FAM168A: variants seen among roughly 807,000 people sequenced by gnomAD.
FAM168A encodes the protein family with sequence similarity 168 member A.
FAM168A carries 3 observed loss-of-function variants against 28.5 expected under a neutral mutation model. That is an observed-to-expected ratio of 0.11 (90% CI 0.05 to 0.27). The LOEUF is 0.27. FAM168A is among the 10% of genes least tolerant of loss of function. The probability of loss-of-function intolerance (pLI) is 1.00; values close to 1 mark genes in which losing one functional copy is unlikely to be tolerated. For synonymous variants in FAM168A, 122 were observed against 124.2 expected, an observed-to-expected ratio of 0.98 and a Z score of 0.12; for missense variants, 222 against 311.5, an observed-to-expected ratio of 0.71 and a Z score of 2.16.
At chr11:73,472,802 A>G (rs1374137694) in intron 1 of FAM168A, among the ~76,000 whole-genome samples, 2 of 152,232 alleles carry the variant, frequency 1.3e-5, no homozygotes, top group African/African-American at 2.4e-5. Context: ...AATGATGCCA[A>G]GGCTTGAGAA....
In FAM168A at chr11:73,552,184, C is replaced by T. The variant is rs113609743; in HGVS notation, c.-19+45739G>A. Reference sequence around the variant, plus strand: ...AATTGGACTAAAACTGGGTTCAATTCCAACTCTACCTCTTACAAACTGTGA... The same window carrying T: ...AATTGGACTAAAACTGGGTTCAATTTCAACTCTACCTCTTACAAACTGTGA... On this transcript the variant is annotated intron_variant, in intron 1 of 7. Transcript: ENST00000356467. 2.4e-3 allele frequency among the ~76,000 whole-genome samples: 360 copies of T among 152,258 alleles called. 3 individuals carry two copies. Among genetic ancestry groups the T allele is most frequent in the African/African-American group, 8.2e-3 (340 of 41,550 alleles).
At chr11:73,492,833 C>A (rs1209796745) in intron 1 of FAM168A, among the ~76,000 whole-genome samples, 1 of 151,934 alleles carries the variant, frequency 6.6e-6, no homozygotes, top group Non-Finnish European at 1.5e-5. Context: ...CACAATGCAG[C>A]CATAAAAAGG....
chr11:73,586,816 A>C (rs1489498552), intron 1 of FAM168A, among the ~76,000 whole-genome samples: 5 of 152,310 alleles, frequency 3.3e-5, no homozygotes, highest in Non-Finnish European at 7.3e-5. Flanking sequence ...AGCTATGGAT[A>C]GTTCTCTAAA....
intron 1 of FAM168A, among the ~76,000 whole-genome samples, chr11:73,572,245 G>A (rs1248935300): frequency 1.3e-5 from 2 of 151,524 alleles, no homozygotes; most frequent in Non-Finnish European, 3.0e-5. Flanking sequence ...CCCCGTCCGG[G>A]AGGGAGGTGG....
intron 1 of FAM168A, among the ~76,000 whole-genome samples, chr11:73,475,284 G>T (rs1470053281): frequency 6.6e-6 from 1 of 151,708 alleles, no homozygotes; most frequent in African/African-American, 2.4e-5. Context: ...TTTGAAAAAT[G>T]GTAAAAATGG....
intron 1 of FAM168A, among the ~76,000 whole-genome samples, chr11:73,536,282 G>A (rs192082848): frequency 6.6e-6 from 1 of 152,156 alleles, no homozygotes; most frequent in Non-Finnish European, 1.5e-5. Context: ...AAGAAATTTG[G>A]GACCACAAAT....
chr11:73,541,097 C>T (rs1393385048), intron 1 of FAM168A, among the ~76,000 whole-genome samples: 1 of 151,732 alleles, frequency 6.6e-6, no homozygotes, highest in Non-Finnish European at 1.5e-5. Flanking sequence ...CCCAGCTACT[C>T]GGGAGGCTGA....
intron 1 of FAM168A, among the ~76,000 whole-genome samples, chr11:73,590,657 T>A (rs1325882496): frequency 6.6e-6 from 1 of 152,216 alleles, no homozygotes; most frequent in East Asian, 1.9e-4. Context: ...TTTCTACATG[T>A]TATACATACC....
intron 1 of FAM168A, among the ~76,000 whole-genome samples, chr11:73,510,215 T>C (rs923181711): frequency 6.6e-6 from 1 of 152,124 alleles, no homozygotes; most frequent in Non-Finnish European, 1.5e-5. Context: ...ACCTAGCTCT[T>C]TCAACTAGGC....
intron 2 of FAM168A, among the ~76,000 whole-genome samples, chr11:73,459,879 ATT>A (rs918564469): frequency 1.7e-4 from 18 of 108,440 alleles, no homozygotes; most frequent in African/African-American, 2.4e-4. Context: ...ATCCAAATGA[ATT>A]TTTTTTTTTT....
intron 3 of FAM168A, among the ~76,000 whole-genome samples, chr11:73,428,177 G>C (rs143929774): frequency 1.3e-5 from 2 of 152,250 alleles, no homozygotes; most frequent in Admixed American, 1.3e-4. Flanking sequence ...CTGAGCTCCA[G>C]ATTTCCCACC....
At chr11:73,517,966 C>G (rs1164445986) in intron 1 of FAM168A, among the ~76,000 whole-genome samples, 1 of 152,164 alleles carries the variant, frequency 6.6e-6, no homozygotes, top group Non-Finnish European at 1.5e-5. Context: ...CAGGCAGGAG[C>G]AAAGGCAATC....
chr11:73,430,864 A>G (rs1482632963), intron 2 of FAM168A, 94 bp from the exon 3 acceptor site: 16 of 1,008,166 alleles, frequency 1.6e-5, no homozygotes, highest in Non-Finnish European at 2.3e-5. Context: ...TTGAGGAAAT[A>G]GAATCCAAGT....
intron 2 of FAM168A, among the ~76,000 whole-genome samples, chr11:73,436,578 G>A (rs979234579): frequency 7.2e-5 from 11 of 152,168 alleles, no homozygotes; most frequent in Non-Finnish European, 4.4e-5. Context: ...GAGGAAGGAT[G>A]TAATTTTGAA....
chr11:73,563,487 C>T (rs1249854239), intron 1 of FAM168A, among the ~76,000 whole-genome samples: 1 of 152,146 alleles, frequency 6.6e-6, no homozygotes, highest in Non-Finnish European at 1.5e-5. Context: ...TTTCCCAACA[C>T]TGTGCTGAGC....
intron 3 of FAM168A, among the ~76,000 whole-genome samples, chr11:73,421,831 GCCTGAA>G (rs1866798330): frequency 6.6e-6 from 1 of 152,160 alleles, no homozygotes; most frequent in Non-Finnish European, 1.5e-5. Flanking sequence ...GGGGCAGGAG[GCCTGAA>G]TTTGGCTGTA....
intron 1 of FAM168A, among the ~76,000 whole-genome samples, chr11:73,588,605 T>C (rs1404765541): frequency 1.3e-5 from 2 of 152,032 alleles, no homozygotes. Context: ...GGTGGCAGGA[T>C]TACATGACCA....
chr11:73,553,334 A>G (rs1943850205), intron 1 of FAM168A, among the ~76,000 whole-genome samples: 1 of 152,208 alleles, frequency 6.6e-6, no homozygotes, highest in East Asian at 1.9e-4. Context: ...AGAAGATGCT[A>G]CCAATAAATG....
intron 1 of FAM168A, among the ~76,000 whole-genome samples, chr11:73,540,577 T>C (rs1943641296): frequency 6.6e-6 from 1 of 152,172 alleles, no homozygotes. Flanking sequence ...TACCTCTGGA[T>C]CTTTCTACTT....
Sources: allele counts gnomAD v4.1 joint callset (sites outside exome capture counted in the v4.1 genomes callset), GRCh38; gene constraint gnomAD v4.1.1; transcripts MANE v1.5; gene names NCBI Gene and HGNC (gene_info 2026-07-23, HGNC 2026-07-21).